SMPD3: variants seen among roughly 807,000 people sequenced by gnomAD.
The protein encoded by SMPD3 is nSMase-2.
In SMPD3, 21 loss-of-function variants were observed where a neutral mutation model predicts 55.7. That is an observed-to-expected ratio of 0.38 (90% CI 0.27 to 0.54). The LOEUF (loss-of-function observed/expected upper bound fraction) is 0.54, where lower values mean the gene tolerates loss of function less well. Among genes scored for constraint, SMPD3 ranks in the 20% least tolerant of loss-of-function variants. SMPD3 has a pLI of 0.80. For synonymous variants in SMPD3, 457 were observed against 404.3 expected (o/e 1.13, Z -1.56); for missense variants, 842 against 899.6 (o/e 0.94, Z 0.82).
intron 2 of SMPD3, among the ~76,000 whole-genome samples, chr16:68,375,651 C>A (rs975061637): frequency 1.3e-5 from 2 of 152,184 alleles, no homozygotes; most frequent in Non-Finnish European, 2.9e-5. Flanking sequence ...CTGCCCTGGG[C>A]CCCCCTTTCT....
At chr16:68,439,113 A>G (rs1202776281) in intron 1 of SMPD3, among the ~76,000 whole-genome samples, 1 of 152,024 alleles carries the variant, frequency 6.6e-6, no homozygotes, top group East Asian at 1.9e-4. Flanking sequence ...CCATGGCGGG[A>G]AAAGTTAGTT....
chr16:68,403,459 C>T (rs1449898504), intron 1 of SMPD3, among the ~76,000 whole-genome samples: 4 of 152,216 alleles, frequency 2.6e-5, no homozygotes, highest in Non-Finnish European at 5.9e-5. Flanking sequence ...TGCCTTCATT[C>T]ATGCCTGAAA....
At chr16:68,422,379 C>T (rs150660400) in intron 1 of SMPD3, among the ~76,000 whole-genome samples, 86 of 152,248 alleles carry the variant, frequency 5.6e-4, no homozygotes, top group African/African-American at 1.7e-3. Flanking sequence ...GGATGTTGGG[C>T]CTGGTTCTCA....
At chr16:68,379,324 ACAGG>A (rs1399194920) in intron 2 of SMPD3, among the ~76,000 whole-genome samples, 1 of 152,248 alleles carries the variant, frequency 6.6e-6, no homozygotes, top group Non-Finnish European at 1.5e-5. Flanking sequence ...TGGATATTGG[ACAGG>A]CTGCTCAACT....
chr16:68,431,674 C>A (rs1194662480), intron 1 of SMPD3, among the ~76,000 whole-genome samples: 1 of 152,236 alleles, frequency 6.6e-6, no homozygotes, highest in African/African-American at 2.4e-5. Flanking sequence ...GTAATCCCAA[C>A]ACTTTGGGAG....
At chr16:68,442,803 T>C (rs138303651) in intron 1 of SMPD3, among the ~76,000 whole-genome samples, 75 of 152,206 alleles carry the variant, frequency 4.9e-4, no homozygotes, top group Middle Eastern at 3.4e-3. Flanking sequence ...AAGAAAACAA[T>C]CAAATCTGTC....
rs564002869 is a variant in SMPD3, at chr16:68,404,248, G to A, written c.-268-17589C>T. On this transcript the variant is annotated intron_variant, in intron 1 of 8. Transcript: ENST00000219334. The surrounding 1 kb of genome is among the most constrained non-coding windows in gnomAD (Gnocchi z 4.0). ...TGCCCAGGCTGGACATTACAGGCATGTGCTACCATGCCTGGCTAATTTTGT... is the reference window on the plus strand; with the variant it reads ...TGCCCAGGCTGGACATTACAGGCATATGCTACCATGCCTGGCTAATTTTGT... Among the ~76,000 whole-genome samples, 43 of 149,670 alleles carry A rather than the reference G, an allele frequency of 2.9e-4. No individual in the cohort carries two copies. Among genetic ancestry groups the A allele is most frequent in the Admixed American group, 1.2e-3 (18 of 14,978 alleles).
intron 1 of SMPD3, among the ~76,000 whole-genome samples, chr16:68,424,920 C>G (rs2090424031): frequency 1.3e-5 from 2 of 152,196 alleles, no homozygotes; most frequent in South Asian, 4.1e-4. Flanking sequence ...CCAAGTTGCT[C>G]AGGCTGGTCT....
intron 1 of SMPD3, among the ~76,000 whole-genome samples, chr16:68,420,365 A>G (rs746738010): frequency 2.0e-5 from 3 of 152,256 alleles, no homozygotes; most frequent in Non-Finnish European, 2.9e-5. Flanking sequence ...GAGGAAATTG[A>G]GGTTCAGAGA....
rs770047860 is a variant in SMPD3 at position 68,363,498 on chromosome 16, C to T, written c.1707G>A (p.Gln569=). The change falls in exon 7 of 9, where the codon CAG becomes CAA. Residue 569 remains glutamine (Q), a splice_region_variant and synonymous_variant. Coordinates refer to ENST00000219334, the MANE Select transcript of SMPD3 (RefSeq NM_018667.4). Reference sequence around the variant, plus strand: ...TGGCCTGGGAGCGCAGTGCTTACTTCTGCAGGTTGTCGGGGGTGCACACAT... The same window carrying T: ...TGGCCTGGGAGCGCAGTGCTTACTTTTGCAGGTTGTCGGGGGTGCACACAT... The part of the protein sequence containing the change: ...DEDVCTPDNL[Q]KVLESEEGRR... 6.2e-7 allele frequency: 1 copy of T among 1,613,972 alleles called. No homozygotes were observed. Among genetic ancestry groups the T allele is most frequent in the African/African-American group, 1.3e-5 (1 of 74,916 alleles).
Position 68,363,494 on chromosome 16 carries a change from A to T in SMPD3, c.1709+2T>A. 2 of 1,613,844 alleles carry T rather than the reference A, an allele frequency of 1.2e-6. No individual in the cohort carries two copies. Among genetic ancestry groups the T allele is most frequent in the Non-Finnish European group, 1.7e-6 (2 of 1,179,952 alleles). On this transcript the variant is annotated splice_donor_variant, in intron 7 of 8. Transcript: ENST00000219334. LOFTEE classifies it high-confidence loss of function. ...TCCCTGGCCTGGGAGCGCAGTGCTTACTTCTGCAGGTTGTCGGGGGTGCAC... is the reference window on the plus strand; with the variant it reads ...TCCCTGGCCTGGGAGCGCAGTGCTTTCTTCTGCAGGTTGTCGGGGGTGCAC...
In SMPD3 at chr16:68,371,148, A is replaced by T; in HGVS notation, c.1034T>A (p.Phe345Tyr). Reference protein sequence around the residue: ...ARRRRHPDEAFDHEVSAFFPA... With the variant: ...ARRRRHPDEAYDHEVSAFFPA... ...GAAGAAGGCGGAGACCTCATGGTCGAAGGCCTCGTCGGGGTGCCGCCTCCT... is the reference window on the plus strand; with the variant it reads ...GAAGAAGGCGGAGACCTCATGGTCGTAGGCCTCGTCGGGGTGCCGCCTCCT... Residue 345 changes from phenylalanine (F) to tyrosine (Y), a missense_variant, in exon 3 of 9, where the codon TTC becomes TAC. This residue lies in a region of SMPD3 where 649 missense variants were observed against 643.6 expected (regional missense o/e 1.01). Transcript: ENST00000219334. 6.2e-7 allele frequency: 1 copy of T among 1,613,734 alleles called. No individual in the cohort carries two copies. The highest frequency in any genetic ancestry group is 8.5e-7 in the Non-Finnish European group (1 of 1,180,022).
chr16:68,398,372 C>T (rs2090178264), intron 1 of SMPD3, among the ~76,000 whole-genome samples: 2 of 152,172 alleles, frequency 1.3e-5, no homozygotes. Context: ...GTGGCAGTCC[C>T]CGGGATGAGA....
At chr16:68,432,231 G>A (rs1182131513) in intron 1 of SMPD3, among the ~76,000 whole-genome samples, 5 of 152,112 alleles carry the variant, frequency 3.3e-5, no homozygotes, top group African/African-American at 1.2e-4. Flanking sequence ...CAAAAGTTAC[G>A]TGACTTGTTA....
intron 1 of SMPD3, among the ~76,000 whole-genome samples, chr16:68,426,618 A>C (rs941372806): frequency 3.3e-5 from 5 of 152,244 alleles, no homozygotes; most frequent in African/African-American, 9.6e-5. Flanking sequence ...CAATTGATTT[A>C]AAATCAATAT....
At chr16:68,425,536 T>C (rs1308132522) in intron 1 of SMPD3, among the ~76,000 whole-genome samples, 2 of 2,798 alleles carry the variant, frequency 7.1e-4, no homozygotes, top group East Asian at 0.017. Context: ...ATGAGGACAA[T>C]GGGTGGGGGG....
chr16:68,366,561 G>A (rs1018734799), intron 3 of SMPD3, among the ~76,000 whole-genome samples: 2 of 152,214 alleles, frequency 1.3e-5, no homozygotes, highest in Admixed American at 6.5e-5. Context: ...TGATGAAGCC[G>A]CCATGCTCAA....
chr16:68,370,490 C>T (rs1487034577), intron 3 of SMPD3, among the ~76,000 whole-genome samples: 1 of 152,064 alleles, frequency 6.6e-6, no homozygotes. Flanking sequence ...CCACCATCTC[C>T]ACGGCTACCA....
chr16:68,397,737 G>A (rs993351574), intron 1 of SMPD3, among the ~76,000 whole-genome samples: 1 of 152,152 alleles, frequency 6.6e-6, no homozygotes, highest in Non-Finnish European at 1.5e-5. Context: ...GCCTTGCTTG[G>A]TCAGCTCCTC....
Sources: gnomAD v4.1 joint callset for allele counts (sites outside exome capture counted in the v4.1 genomes callset) on GRCh38, gnomAD v4.1.1 for gene constraint, gnomAD v4.1.1 regional missense constraint, Gnocchi (gnomAD v3.1) non-coding constraint, MANE v1.5 for transcripts, NCBI Gene and HGNC (gene_info 2026-07-23, HGNC 2026-07-21) for gene names.